DGLUCY: variants seen among roughly 807,000 people sequenced by gnomAD.
DGLUCY encodes D-glutamate cyclase, also known as D-glutamate cyclase, mitochondrial.
Under a neutral mutation model 58.5 loss-of-function variants are expected in DGLUCY, and 58 were observed. The ratio of observed to expected loss-of-function variants is 0.99; its 90% confidence interval spans 0.80 to 1.23. The LOEUF (loss-of-function observed/expected upper bound fraction) is 1.23. Ranked by LOEUF, DGLUCY falls within the 50% of genes most tolerant of loss-of-function variation. DGLUCY has a pLI of 0.00. For missense variants in DGLUCY, 779 were observed against 784.7 expected, an observed-to-expected ratio of 0.99 and a Z score of 0.09; for synonymous variants, 325 against 314.1, an observed-to-expected ratio of 1.03 and a Z score of -0.37.
chr14:91,070,591 A>G (rs2043898316), intron 1 of DGLUCY, among the ~76,000 whole-genome samples: 5 of 152,194 alleles, frequency 3.3e-5, no homozygotes, highest in Admixed American at 3.3e-4. Flanking sequence ...ACAAAAGAGG[A>G]AAAAACTGAG....
intron 1 of DGLUCY, among the ~76,000 whole-genome samples, chr14:91,125,855 C>T (rs527861943): frequency 2.6e-5 from 4 of 152,214 alleles, no homozygotes; most frequent in South Asian, 2.1e-4. Flanking sequence ...TTGCTTGAAC[C>T]GAGGAGATAG....
At chr14:91,072,471 A>G (rs2043938373) in intron 1 of DGLUCY, among the ~76,000 whole-genome samples, 7 of 152,172 alleles carry the variant, frequency 4.6e-5, no homozygotes, top group Admixed American at 4.6e-4. Context: ...GCTGAAGTTC[A>G]GCAATTATTT....
chr14:91,173,563 C>A, intron 6 of DGLUCY, 124 bp downstream of exon 6: 1 of 1,306,582 alleles, frequency 7.7e-7, no homozygotes, highest in Non-Finnish European at 1.0e-6. Flanking sequence ...TCTCTCGCTC[C>A]TGCCCATGAT....
chr14:91,200,920 C>T (rs2050512205), intron 11 of DGLUCY, among the ~76,000 whole-genome samples: 3 of 138,530 alleles, frequency 2.2e-5, no homozygotes, highest in South Asian at 2.3e-4. Flanking sequence ...CAATTTTTTG[C>T]GGGCAGGGGG....
chr14:91,072,500 G>C (rs796670171), intron 1 of DGLUCY, among the ~76,000 whole-genome samples: 3 of 151,986 alleles, frequency 2.0e-5, no homozygotes, highest in East Asian at 3.9e-4. Context: ...CTTAATTTCT[G>C]TTTTCTGTAA....
intron 8 of DGLUCY, among the ~76,000 whole-genome samples, chr14:91,182,745 C>T (rs2049262651): frequency 6.6e-6 from 1 of 152,158 alleles, no homozygotes; most frequent in Admixed American, 6.5e-5. Context: ...CAGGACCCTA[C>T]AGCCACAGCC....
At chr14:91,184,550 T>TGAAAGAAA (rs367861135) in intron 8 of DGLUCY, among the ~76,000 whole-genome samples, 1,260 of 95,582 alleles carry the variant, frequency 0.013, 81 homozygotes, top group African/African-American at 0.055. Context: ...CAATACCCTG[T>TGAAAGAAA]GAAAGAAAGA....
chr14:91,100,992 A>G (rs2044476751), intron 1 of DGLUCY, among the ~76,000 whole-genome samples: 1 of 151,102 alleles, frequency 6.6e-6, no homozygotes, highest in Admixed American at 6.6e-5. Flanking sequence ...ACTCTCTTGA[A>G]CTCGTGAGGC....
At chr14:91,062,604 T>C (rs1566925719) in intron 1 of DGLUCY, among the ~76,000 whole-genome samples, 6 of 30,736 alleles carry the variant, frequency 2.0e-4, no homozygotes, top group Admixed American at 9.4e-4. Flanking sequence ...TATATATATA[T>C]ATATATAAAC....
intron 1 of DGLUCY, among the ~76,000 whole-genome samples, chr14:91,152,754 T>C (rs930765625): frequency 6.6e-6 from 1 of 152,206 alleles, no homozygotes; most frequent in South Asian, 2.1e-4. Flanking sequence ...TCTGGGGAAG[T>C]GATCCAGGGG....
chr14:91,071,618 C>T (rs570382420), intron 1 of DGLUCY, among the ~76,000 whole-genome samples: 2 of 152,034 alleles, frequency 1.3e-5, no homozygotes, highest in Non-Finnish European at 2.9e-5. Flanking sequence ...GCCTATAATC[C>T]CAGCACTTTG....
chr14:91,086,413 G>A (rs552269305), intron 1 of DGLUCY, among the ~76,000 whole-genome samples: 7 of 152,242 alleles, frequency 4.6e-5, no homozygotes, highest in African/African-American at 1.4e-4. Context: ...AAGATATGGT[G>A]TAGTATTTGT....
At chr14:91,220,544 G>A in intron 13 of DGLUCY, 1 of 456,368 alleles carries the variant, frequency 2.2e-6, no homozygotes, top group Non-Finnish European at 4.4e-6. Flanking sequence ...AGAAGGAGGT[G>A]AAGGCCAAGA....
intron 1 of DGLUCY, among the ~76,000 whole-genome samples, chr14:91,062,612 A>T (rs57388568): frequency 0.23 from 6,472 of 27,582 alleles, 1,266 homozygotes; most frequent in East Asian, 0.53. Context: ...TATATATATA[A>T]ACAATCCTTA....
intron 1 of DGLUCY, among the ~76,000 whole-genome samples, chr14:91,079,569 G>A (rs1031073584): frequency 2.0e-5 from 3 of 152,170 alleles, no homozygotes; most frequent in African/African-American, 7.2e-5. Flanking sequence ...GGCCGGGCTG[G>A]TCACAAACAT....
At chr14:91,082,408 G>T (rs573732237) in intron 1 of DGLUCY, among the ~76,000 whole-genome samples, 3 of 152,166 alleles carry the variant, frequency 2.0e-5, no homozygotes, top group African/African-American at 7.2e-5. Context: ...AAACAGCCAC[G>T]TGAAGCTTAT....
chr14:91,110,997 A>T (rs971700515), upstream of DGLUCY, among the ~76,000 whole-genome samples: 9 of 151,970 alleles, frequency 5.9e-5, no homozygotes, highest in African/African-American at 2.2e-4. Context: ...ATCGTATAAT[A>T]TTTTTTTGTG....
intron 11 of DGLUCY, among the ~76,000 whole-genome samples, chr14:91,204,387 T>A (rs1290896284): frequency 6.6e-6 from 1 of 151,844 alleles, no homozygotes; most frequent in Non-Finnish European, 1.5e-5. Flanking sequence ...GGAAGGGAGG[T>A]CCTGAGTGTC....
At chr14:91,215,807 C>T (rs1319441437) in intron 13 of DGLUCY, 4 of 1,262,006 alleles carry the variant, frequency 3.2e-6, no homozygotes, top group African/African-American at 1.5e-5. Context: ...AGTTGCTTAG[C>T]TTCTCTGAGC....
Sources: gnomAD v4.1 joint callset for allele counts (sites outside exome capture counted in the v4.1 genomes callset) on GRCh38, gnomAD v4.1.1 for gene constraint, MANE v1.5 for transcripts, NCBI Gene and HGNC (gene_info 2026-07-23, HGNC 2026-07-21) for gene names.